The following TAB3 variants were observed in gnomAD, a reference collection of about 807,000 sequenced individuals.
TAB3 encodes TGF-beta activated kinase 1 (MAP3K7) binding protein 3, also known as TGF-beta-activated kinase 1 and MAP3K7-binding protein 3.
In TAB3, 18 loss-of-function variants were observed where a neutral mutation model predicts 48.1. The ratio of observed to expected loss-of-function variants is 0.37; its 90% confidence interval spans 0.26 to 0.55. The LOEUF (loss-of-function observed/expected upper bound fraction) is 0.55, where lower values mean the gene tolerates loss of function less well. TAB3 is among the 20% of genes least tolerant of loss of function. TAB3 has a pLI of 0.78. For synonymous variants in TAB3, 185 were observed against 190.2 expected (o/e 0.97, Z 0.22); for missense variants, 414 against 549.8 (o/e 0.75, Z 2.47).
At chrX:30,868,990 G>A (rs1326149847) in intron 2 of TAB3, among the ~76,000 whole-genome samples, 1 of 107,472 alleles carries the variant, frequency 9.3e-6, no homozygotes, top group African/African-American at 3.4e-5. Context: ...ACTGTGCACT[G>A]ACATAAATGC....
Position 30,859,684 on chromosome X carries a change from T to TAAAAAA in TAB3, c.-90-12_-90-7dup. The TAAAAAA allele has an allele frequency of 2.2e-6, 1 of 463,829 alleles. No individual in the cohort carries two copies. 38.2% of individuals were successfully genotyped at this position (463,829 alleles called of 1,213,427 possible). ...TCTAGCACCACAGTCATTTTCTATT[T>TAAAAAA]AAAAAAAAAAAAAAAGTATGGTTAA... On this transcript the variant is annotated splice_polypyrimidine_tract_variant and splice_region_variant and intron_variant, in intron 4 of 10. Transcript: ENST00000288422.
chrX:30,888,113 A>T (rs1282637808), intron 1 of TAB3, among the ~76,000 whole-genome samples: 1 of 112,725 alleles, frequency 8.9e-6, no homozygotes, highest in Non-Finnish European at 1.9e-5. Flanking sequence ...GTGTTCTTGT[A>T]TACTACTGCA....
chrX:30,831,574 C>T lies in TAB3; in HGVS notation c.1992G>A (p.Glu664=). The change falls in exon 11 of 11, where the codon GAG becomes GAA. Residue 664 remains glutamate (E), a splice_region_variant and synonymous_variant. Coordinates refer to ENST00000288422, the MANE Select transcript of TAB3 (RefSeq NM_152787.5). The part of the protein sequence containing the change: ...IHDTQAAAAD[E]HRTGSTQSPR... Reference sequence around the variant, plus strand: ...GACTTTGTGTGGAGCCAGTTCGATGCTCTGAGGGAGGTTAGGATTAAGGGG... The same window carrying T: ...GACTTTGTGTGGAGCCAGTTCGATGTTCTGAGGGAGGTTAGGATTAAGGGG... 1.7e-6 allele frequency: 2 copies of T among 1,210,238 alleles called. No homozygotes were observed. Among genetic ancestry groups the T allele is most frequent in the Non-Finnish European group, 2.2e-6 (2 of 894,913 alleles).
intron 5 of TAB3, among the ~76,000 whole-genome samples, chrX:30,858,529 A>C (rs193295993): frequency 9.8e-5 from 11 of 111,934 alleles, no homozygotes; most frequent in Admixed American, 3.8e-4. Context: ...CTCTATTTTT[A>C]ATTAACCACA....
At chrX:30,838,990 T>C (rs1938325756) in intron 9 of TAB3, among the ~76,000 whole-genome samples, 1 of 110,885 alleles carries the variant, frequency 9.0e-6, no homozygotes, top group African/African-American at 3.3e-5. Context: ...ATTTATGCTT[T>C]TTTTTTTTCT....
rs752634877 is a variant in TAB3, at chrX:30,861,503, A to G, written c.-90-1825T>C. Among the ~76,000 whole-genome samples, 4 of 111,815 alleles carry G rather than the reference A, an allele frequency of 3.6e-5. No individual in the cohort carries two copies. In the South Asian group the frequency reaches 1.1e-3, roughly 31 times the overall value. Reference sequence around the variant, plus strand: ...CCAGTTTGTCCCTTTTGAAAACTCCAAATCTGAAATACTAAGAGATGCTAC... The same window carrying G: ...CCAGTTTGTCCCTTTTGAAAACTCCGAATCTGAAATACTAAGAGATGCTAC... On this transcript the variant is annotated intron_variant, in intron 4 of 10. Transcript: ENST00000288422.
chrX:30,887,956 T>G (rs1305056749), intron 1 of TAB3, among the ~76,000 whole-genome samples: 1 of 112,001 alleles, frequency 8.9e-6, no homozygotes, highest in Non-Finnish European at 1.9e-5. Context: ...ACACACTGAC[T>G]AAAAAGCATG....
intron 7 of TAB3, among the ~76,000 whole-genome samples, chrX:30,852,043 T>G (rs1382714753): frequency 1.8e-5 from 2 of 112,529 alleles, no homozygotes; most frequent in African/African-American, 6.5e-5. Flanking sequence ...TCTAGCATAG[T>G]ACCACATTGC....
At chrX:30,882,980 A>G (rs979449214) in intron 1 of TAB3, among the ~76,000 whole-genome samples, 3 of 112,064 alleles carry the variant, frequency 2.7e-5, no homozygotes, top group African/African-American at 9.7e-5. Context: ...AAAACTACTA[A>G]AAGTTGAGAA....
intron 1 of TAB3, among the ~76,000 whole-genome samples, chrX:30,876,364 G>C (rs1162707192): frequency 8.9e-6 from 1 of 112,332 alleles, no homozygotes; most frequent in African/African-American, 3.2e-5. Flanking sequence ...AACATAATAA[G>C]ATGACCAGAA....
chrX:30,859,851 C>T, intron 4 of TAB3, 173 bp from the exon 5 acceptor site: 1 of 358,498 alleles, frequency 2.8e-6, no homozygotes, highest in South Asian at 8.4e-5. Context: ...CCAAAGCAGG[C>T]TGTGCTTACC....
intron 1 of TAB3, among the ~76,000 whole-genome samples, chrX:30,878,516 A>AAAAAAAAAAAAAAG (rs57251085): frequency 1.3e-5 from 1 of 79,604 alleles, no homozygotes; most frequent in African/African-American, 5.1e-5. Flanking sequence ...AAAAAAAAAA[A>AAAAAAAAAAAAAAG]AAAGAAAGAA....
intron 1 of TAB3, among the ~76,000 whole-genome samples, chrX:30,876,417 A>AT (rs1357777333): frequency 2.7e-5 from 3 of 112,579 alleles, no homozygotes; most frequent in African/African-American, 6.5e-5. Context: ...TCAGACATGG[A>AT]TTTTAAATTA....
intron 1 of TAB3, among the ~76,000 whole-genome samples, chrX:30,882,404 A>G (rs1425353066): frequency 8.9e-6 from 1 of 112,315 alleles, no homozygotes; most frequent in Non-Finnish European, 1.9e-5. Flanking sequence ...AAATCCATCA[A>G]AAGTGAATAG....
At chrX:30,883,879 A>G (rs1032834977) in intron 1 of TAB3, among the ~76,000 whole-genome samples, 1 of 111,652 alleles carries the variant, frequency 9.0e-6, no homozygotes, top group Non-Finnish European at 1.9e-5. Context: ...AGTCTTACCA[A>G]TGGATCATTT....
intron 1 of TAB3, among the ~76,000 whole-genome samples, chrX:30,876,512 T>G (rs959392072): frequency 1.8e-5 from 2 of 111,555 alleles, no homozygotes; most frequent in African/African-American, 6.5e-5. Flanking sequence ...ACAGCAGAAT[T>G]TGGGTGTTTT....
Position 30,859,685 on chromosome X carries a change from A to T in TAB3, c.-90-7T>A, listed in dbSNP as rs752064497. 6.6e-4 allele frequency: 61 copies of T among 91,897 alleles called. No homozygotes were observed. In the East Asian group the frequency reaches 0.011, roughly 17 times the overall value. The allele number at this position is 91,897 out of a possible 1,213,427, so 7.6% of individuals were successfully genotyped here. A position where few individuals can be genotyped will look rare whatever the true frequency, so the allele number is the denominator to read the frequency against. On this transcript the variant is annotated splice_region_variant and splice_polypyrimidine_tract_variant and intron_variant, in intron 4 of 10. Transcript: ENST00000288422. Reference sequence around the variant, plus strand: ...CTAGCACCACAGTCATTTTCTATTTAAAAAAAAAAAAAAAGTATGGTTAAG... The same window carrying T: ...CTAGCACCACAGTCATTTTCTATTTTAAAAAAAAAAAAAAGTATGGTTAAG...
chrX:30,868,313 AGC>A (rs1383785655), intron 2 of TAB3, among the ~76,000 whole-genome samples: 41 of 1,700 alleles, frequency 0.024, 9 homozygotes, highest in African/African-American at 0.1. Context: ...ATATATATAT[AGC>A]TTATATATAT....
chrX:30,852,461 A>T (rs924270331), intron 7 of TAB3, among the ~76,000 whole-genome samples: 5 of 108,293 alleles, frequency 4.6e-5, no homozygotes, highest in Admixed American at 2.0e-4. Flanking sequence ...CAAAGAATAA[A>T]TTCATCAAAT....
Sources: allele counts gnomAD v4.1 joint callset (sites outside exome capture counted in the v4.1 genomes callset), GRCh38; gene constraint gnomAD v4.1.1; transcripts MANE v1.5; gene names NCBI Gene and HGNC (gene_info 2026-07-23, HGNC 2026-07-21).